Variants in ADGRV1 observed in about 807,000 individuals in gnomAD.
ADGRV1 encodes G-protein coupled receptor 98.
Under a neutral mutation model 596.2 loss-of-function variants are expected in ADGRV1, and 359 were observed. That is an observed-to-expected ratio of 0.60 (90% confidence interval 0.55 to 0.66). ADGRV1 has a LOEUF of 0.66. ADGRV1 is among the 30% of genes least tolerant of loss of function. The pLI is 0.00. For synonymous variants in ADGRV1, 2,681 were observed against 2,679.2 expected (o/e 1.00, Z -0.02); for missense variants, 7,274 against 7,575.6 (o/e 0.96, Z 1.48).
At chr5:91,001,246 A>G (rs1781834734) in intron 85 of ADGRV1, among the ~76,000 whole-genome samples, 1 of 151,630 alleles carries the variant, frequency 6.6e-6, no homozygotes, top group South Asian at 2.1e-4. Context: ...CCTGGCTAAT[A>G]TTTTTATCTT....
chr5:91,047,133 G>C (rs551791043), intron 85 of ADGRV1, among the ~76,000 whole-genome samples: 22 of 152,282 alleles, frequency 1.4e-4, no homozygotes, highest in African/African-American at 5.3e-4. Flanking sequence ...AAATAGTACT[G>C]ATCTGGGAGT....
chr5:90,673,198 A>T (rs1443806257), intron 22 of ADGRV1, among the ~76,000 whole-genome samples: 5 of 152,072 alleles, frequency 3.3e-5, no homozygotes, highest in Admixed American at 6.5e-5. Flanking sequence ...CCCATTATGA[A>T]TCTATTTTCT....
chr5:90,823,455 A>G lies in ADGRV1; in HGVS notation c.16227A>G (p.Arg5409=). Residue 5409 remains arginine (R), a synonymous_variant, in exon 76 of 90, where the codon CGA becomes CGG. Coordinates refer to ENST00000405460, the MANE Select transcript of ADGRV1 (RefSeq NM_032119.4). ...RAFEDVKVFW[R]VTLNKTVVVL... ...TTGAAGATGTCAAGGTCTTTTGGCG[A>G]GTCACACTTAACAAAACAGTCGTCG... 6.2e-7 allele frequency: 1 copy of G among 1,613,892 alleles called. No individual in the cohort carries two copies.
At chr5:90,943,651 C>A (rs1215010368) in intron 83 of ADGRV1, among the ~76,000 whole-genome samples, 2 of 152,132 alleles carry the variant, frequency 1.3e-5, no homozygotes, top group African/African-American at 2.4e-5. Flanking sequence ...CCAGCAGCAT[C>A]CTCCATCTAA....
intron 35 of ADGRV1, 139 bp from the exon 36 acceptor site, chr5:90,704,250 A>G (rs556308434): frequency 1.6e-6 from 1 of 622,016 alleles, no homozygotes; most frequent in Non-Finnish European, 2.8e-6. Context: ...GTTTTTATTT[A>G]TTTATTTTTA....
At chr5:90,827,395 T>G (rs1380556606) in intron 76 of ADGRV1, among the ~76,000 whole-genome samples, 1 of 152,232 alleles carries the variant, frequency 6.6e-6, no homozygotes. Flanking sequence ...TCTAATGATA[T>G]GTAGGCACCC....
At position 90,725,235 on chromosome 5, in the gene ADGRV1, A is replaced by G. The variant is rs898867771; in HGVS notation, c.10053+3A>G. On this transcript the variant is annotated splice_donor_region_variant and intron_variant, in intron 47 of 89. Coordinates refer to ENST00000405460, the MANE Select transcript of ADGRV1 (RefSeq NM_032119.4). ...CATCTGGATTTAAATTATTCCTGGTAAAAACATTTTCATTTTTAAATAGAT... is the reference window on the plus strand; with the variant it reads ...CATCTGGATTTAAATTATTCCTGGTGAAAACATTTTCATTTTTAAATAGAT... The G allele has an allele frequency of 4.3e-6, 6 of 1,396,918 alleles. No individual in the cohort carries two copies. Among genetic ancestry groups the G allele is most frequent in the Non-Finnish European group, 5.7e-6 (6 of 1,043,636 alleles). 86.5% of individuals were successfully genotyped at this position (1,396,918 alleles called of 1,614,324 possible).
intron 9 of ADGRV1, 189 bp downstream of exon 9, chr5:90,629,728 C>A: frequency 2.2e-6 from 1 of 446,382 alleles, no homozygotes; most frequent in Non-Finnish European, 4.0e-6. Context: ...ATAAATAAGA[C>A]AAGAATTTTT....
At chr5:90,974,019 G>A (rs36085640) in intron 84 of ADGRV1, among the ~76,000 whole-genome samples, 74,725 of 151,946 alleles carry the variant, frequency 0.49, 19,735 homozygotes, top group East Asian at 0.68. Flanking sequence ...TAGAAAATCA[G>A]TGTGCAAAAA....
intron 1 of ADGRV1, among the ~76,000 whole-genome samples, chr5:90,572,868 C>T (rs1756725242): frequency 1.3e-5 from 2 of 152,064 alleles, no homozygotes; most frequent in African/African-American, 2.4e-5. Context: ...AGGAAGGATA[C>T]GTCAGAGAAT....
chr5:91,156,064 T>C (rs750895384), intron 89 of ADGRV1, among the ~76,000 whole-genome samples: 3 of 152,318 alleles, frequency 2.0e-5, no homozygotes, highest in Non-Finnish European at 4.4e-5. Context: ...TTTGTTTATT[T>C]GTTTGCAGGA....
At chr5:90,677,327 G>C (rs893244375) in intron 25 of ADGRV1, among the ~76,000 whole-genome samples, 1 of 152,176 alleles carries the variant, frequency 6.6e-6, no homozygotes, top group African/African-American at 2.4e-5. Context: ...GACCAAGCCA[G>C]TGTTTGGGAG....
At chr5:90,686,277 A>G (rs1187629401) in intron 29 of ADGRV1, among the ~76,000 whole-genome samples, 2 of 151,818 alleles carry the variant, frequency 1.3e-5, no homozygotes, top group Non-Finnish European at 1.5e-5. Context: ...GGTTAGTTAC[A>G]TATGTATACA....
At chr5:91,022,624 A>C (rs1220383112) in intron 85 of ADGRV1, among the ~76,000 whole-genome samples, 1 of 152,164 alleles carries the variant, frequency 6.6e-6, no homozygotes, top group African/African-American at 2.4e-5. Flanking sequence ...AAATGCAGAC[A>C]GCTGAGAGTT....
chr5:91,096,974 C>T (rs1278027236), intron 86 of ADGRV1, among the ~76,000 whole-genome samples: 1 of 152,150 alleles, frequency 6.6e-6, no homozygotes, highest in Non-Finnish European at 1.5e-5. Context: ...ATTATTTGTC[C>T]TTTCATGTCT....
At chr5:90,626,159 TACAAAAATTCTGAAACTAAATC>T (rs1764727443) in intron 6 of ADGRV1, 1 of 152,024 alleles carries the variant, frequency 6.6e-6, no homozygotes, top group Non-Finnish European at 1.5e-5. Context: ...TCTACCCTCC[TACAAAAATTCTGAAACTAAATC>T]ACAAGAAAAC....
At chr5:90,988,679 T>G (rs1054136712) in intron 85 of ADGRV1, among the ~76,000 whole-genome samples, 1 of 152,114 alleles carries the variant, frequency 6.6e-6, no homozygotes, top group Non-Finnish European at 1.5e-5. Context: ...TTAGGGTACA[T>G]GTGCACAACG....
In ADGRV1 at chr5:90,756,479, G is replaced by T; in HGVS notation, c.11606G>T (p.Gly3869Val). The part of the protein sequence containing the change: ...LPDDLPELEE[G>V]FIVTITEVNL... Reference sequence around the variant, plus strand: ...GATGACCTTCCTGAATTGGAGGAAGGATTTATTGTCACTATCACTGAGGTG... The same window carrying T: ...GATGACCTTCCTGAATTGGAGGAAGTATTTATTGTCACTATCACTGAGGTG... The change falls in exon 56 of 90, where the codon GGA becomes GTA. Residue 3869 changes from glycine to valine, a missense_variant. Transcript: ENST00000405460. 6.3e-7 allele frequency: 1 copy of T among 1,576,970 alleles called. No homozygotes were observed. Among genetic ancestry groups the T allele is most frequent in the Non-Finnish European group, 8.6e-7 (1 of 1,162,056 alleles).
intron 38 of ADGRV1, among the ~76,000 whole-genome samples, chr5:90,708,125 T>G (rs1292737642): frequency 6.6e-6 from 1 of 151,814 alleles, no homozygotes; most frequent in East Asian, 1.9e-4. Context: ...ACATACACAT[T>G]GTGTTTCTTT....
Sources: gnomAD v4.1 joint callset for allele counts (sites outside exome capture counted in the v4.1 genomes callset) on GRCh38, gnomAD v4.1.1 for gene constraint, MANE v1.5 for transcripts, NCBI Gene and HGNC (gene_info 2026-07-23, HGNC 2026-07-21) for gene names.